SIPA1L2: variants seen among roughly 807,000 people sequenced by gnomAD.
The protein encoded by SIPA1L2 is signal-induced proliferation-associated 1-like protein 2.
A neutral mutation model predicts 163.9 loss-of-function variants in SIPA1L2; 56 were observed. That is an observed-to-expected ratio of 0.34 (90% CI 0.28 to 0.43). The LOEUF (loss-of-function observed/expected upper bound fraction) is 0.43, where lower values mean the gene tolerates loss of function less well. Ranked by LOEUF, SIPA1L2 falls within the 20% of genes least tolerant of loss-of-function variation. The probability of loss-of-function intolerance (pLI) is 1.00; values close to 1 mark genes in which losing one functional copy is unlikely to be tolerated. For synonymous variants in SIPA1L2, 877 were observed against 865.7 expected (o/e 1.01, Z -0.23); for missense variants, 1,974 against 2,193.5 (o/e 0.90, Z 2.00).
intron 2 of SIPA1L2, among the ~76,000 whole-genome samples, chr1:232,529,458 A>T (rs1667869567): frequency 2.0e-5 from 3 of 152,256 alleles, no homozygotes; most frequent in African/African-American, 7.2e-5. Context: ...TGGGCACAGA[A>T]GAATGGGTGA....
chr1:232,480,804 A>G (rs1214737074), intron 6 of SIPA1L2, among the ~76,000 whole-genome samples: 2 of 152,222 alleles, frequency 1.3e-5, no homozygotes, highest in Admixed American at 6.5e-5. Flanking sequence ...AGTCATTTTA[A>G]GTTAATCTTT....
chr1:232,538,787 G>A lies in SIPA1L2; in HGVS notation c.-269-23179C>T, dbSNP rs560052873. Reference sequence around the variant, plus strand: ...CACATGAAGGTACAATTTGAGTAGAGAGCTCAAAATTTCCCAACCATCAAG... The same window carrying A: ...CACATGAAGGTACAATTTGAGTAGAAAGCTCAAAATTTCCCAACCATCAAG... On this transcript the variant is annotated intron_variant, in intron 2 of 22. Transcript: ENST00000674635. Among the ~76,000 whole-genome samples, 18 of 152,134 alleles carry A rather than the reference G, an allele frequency of 1.2e-4. No individual in the cohort carries two copies. The East Asian group carries it at 3.3e-3, about 28-fold the overall frequency.
Position 232,556,423 on chromosome 1 carries a change from T to C in SIPA1L2, c.-270+17751A>G, listed in dbSNP as rs140308221. On this transcript the variant is annotated intron_variant, in intron 2 of 22. Coordinates refer to ENST00000674635, the MANE Select transcript of SIPA1L2 (RefSeq NM_020808.5). ...CTTCTCTCCCTTTAGCGATAAGGTA[T>C]GGCCATAGTGCAGTTTAACACACCA... 7.0e-4 allele frequency among the ~76,000 whole-genome samples: 107 copies of C among 152,326 alleles called. No homozygotes were observed. The Middle Eastern group carries it at 0.01, about 15-fold the overall frequency.
chr1:232,615,738 TC>T (rs1289563482), intron 1 of SIPA1L2, among the ~76,000 whole-genome samples: 1 of 152,038 alleles, frequency 6.6e-6, no homozygotes, highest in Non-Finnish European at 1.5e-5. Flanking sequence ...TACCCTCCCT[TC>T]CTCCACCCAG....
chr1:232,541,854 TAAAAA>T (rs10585668), intron 2 of SIPA1L2, among the ~76,000 whole-genome samples: 1 of 135,678 alleles, frequency 7.4e-6, no homozygotes, highest in Non-Finnish European at 1.6e-5. Context: ...CCTACAGATT[TAAAAA>T]AAAAAAAAAA....
At chr1:232,529,882 G>A (rs1051971086) in intron 2 of SIPA1L2, among the ~76,000 whole-genome samples, 16 of 152,280 alleles carry the variant, frequency 1.1e-4, no homozygotes, top group East Asian at 1.9e-4. Context: ...TCTTGAGCAC[G>A]GCCCCACCTA....
At chr1:232,401,935 C>A (rs1251864238) in intron 22 of SIPA1L2, among the ~76,000 whole-genome samples, 1 of 152,184 alleles carries the variant, frequency 6.6e-6, no homozygotes, top group Non-Finnish European at 1.5e-5. Context: ...AATTTAATTT[C>A]TTTTGAGGAC....
At chr1:232,607,448 G>A (rs1392551463) in intron 1 of SIPA1L2, among the ~76,000 whole-genome samples, 2 of 151,980 alleles carry the variant, frequency 1.3e-5, no homozygotes, top group African/African-American at 4.8e-5. Flanking sequence ...ATTACATTGG[G>A]TATCCTTATA....
At chr1:232,473,161 A>G (rs1359241135) in intron 7 of SIPA1L2, among the ~76,000 whole-genome samples, 1 of 152,278 alleles carries the variant, frequency 6.6e-6, no homozygotes, top group East Asian at 1.9e-4. Flanking sequence ...TATCTTTGGC[A>G]AGGACATTCT....
chr1:232,491,285 A>G (rs1665917490), intron 4 of SIPA1L2, among the ~76,000 whole-genome samples: 1 of 152,166 alleles, frequency 6.6e-6, no homozygotes, highest in African/African-American at 2.4e-5. Context: ...GCGGAATGGA[A>G]ATGAGCAGAT....
chr1:232,608,303 C>A (rs1662072137), intron 1 of SIPA1L2, among the ~76,000 whole-genome samples: 1 of 152,164 alleles, frequency 6.6e-6, no homozygotes, highest in African/African-American at 2.4e-5. Context: ...CCGCCTCAAC[C>A]TCCCAAAGTA....
intron 15 of SIPA1L2, among the ~76,000 whole-genome samples, chr1:232,435,739 A>C (rs1308806311): frequency 6.6e-6 from 1 of 152,230 alleles, no homozygotes; most frequent in East Asian, 1.9e-4. Context: ...GAAGAAAGAA[A>C]AAAAATGTGT....
At chr1:232,562,479 G>C (rs1405201371) in intron 2 of SIPA1L2, among the ~76,000 whole-genome samples, 1 of 152,156 alleles carries the variant, frequency 6.6e-6, no homozygotes, top group Admixed American at 6.5e-5. Flanking sequence ...AATGGAAGGA[G>C]ATAGAATAAA....
At chr1:232,449,893 A>G (rs563180975) in intron 10 of SIPA1L2, among the ~76,000 whole-genome samples, 1 of 152,348 alleles carries the variant, frequency 6.6e-6, no homozygotes, top group African/African-American at 2.4e-5. Flanking sequence ...AACAAAGGAA[A>G]TCCTTGTAAA....
chr1:232,569,388 G>C (rs1189233471), intron 2 of SIPA1L2, among the ~76,000 whole-genome samples: 2 of 152,210 alleles, frequency 1.3e-5, no homozygotes, highest in Non-Finnish European at 2.9e-5. Flanking sequence ...CCCAATCCTG[G>C]CAAGAGATGG....
intron 18 of SIPA1L2, among the ~76,000 whole-genome samples, chr1:232,421,164 A>G (rs1047745672): frequency 2.0e-5 from 3 of 152,120 alleles, no homozygotes; most frequent in Admixed American, 6.5e-5. Flanking sequence ...ATGCCATCCT[A>G]CCTCACTTCT....
intron 1 of SIPA1L2, among the ~76,000 whole-genome samples, chr1:232,595,646 G>A (rs1661221216): frequency 6.6e-6 from 1 of 152,172 alleles, no homozygotes; most frequent in South Asian, 2.1e-4. Context: ...GAGGATTTCA[G>A]ATTCCTGACT....
At position 232,462,156 on chromosome 1, in the gene SIPA1L2, T is replaced by C. The variant is rs372078892; in HGVS notation, c.2821-995A>G. ...GGTGGATTGCATCCCACTTGGTACA[T>C]TAAAGCACCACTAATGCAGCCCTCA... On this transcript the variant is annotated intron_variant, in intron 9 of 22. Coordinates refer to ENST00000674635, the MANE Select transcript of SIPA1L2 (RefSeq NM_020808.5). The C allele has an allele frequency of 2.4e-5, 34 of 1,406,118 alleles. No individual in the cohort carries two copies. In the African/African-American group the frequency reaches 2.9e-4, roughly 12 times the overall value. The allele number at this position is 1,406,118 out of a possible 1,614,324, so 87.1% of individuals were successfully genotyped here.
Position 232,453,199 on chromosome 1 carries a change from A to G in SIPA1L2, c.3096-7413T>C, listed in dbSNP as rs115754804. On this transcript the variant is annotated intron_variant, in intron 10 of 22. Coordinates refer to ENST00000674635, the MANE Select transcript of SIPA1L2 (RefSeq NM_020808.5). ...ATAAAAGTAGGATGCATGACTTTGTATTACGCTACTATGAAACTAAGAAAG... is the reference window on the plus strand; with the variant it reads ...ATAAAAGTAGGATGCATGACTTTGTGTTACGCTACTATGAAACTAAGAAAG... 2.1e-3 allele frequency among the ~76,000 whole-genome samples: 322 copies of G among 152,330 alleles called. 1 individual carries two copies. The highest frequency in any genetic ancestry group is 3.3e-3 in the Non-Finnish European group (223 of 68,028).
Sources: gnomAD v4.1 joint callset for allele counts (sites outside exome capture counted in the v4.1 genomes callset) on GRCh38, gnomAD v4.1.1 for gene constraint, MANE v1.5 for transcripts, NCBI Gene and HGNC (gene_info 2026-07-23, HGNC 2026-07-21) for gene names.